Variants in ACSL5 observed in about 807,000 individuals in gnomAD.
ACSL5 encodes the protein long-chain-fatty-acid--CoA ligase 5.
Under a neutral mutation model 84.9 loss-of-function variants are expected in ACSL5, and 50 were observed. That is an observed-to-expected ratio of 0.59 (90% CI 0.47 to 0.75). The LOEUF (loss-of-function observed/expected upper bound fraction) is 0.75, where lower values mean the gene tolerates loss of function less well. Among genes scored for constraint, ACSL5 ranks in the 30% least tolerant of loss-of-function variants. The pLI is 0.00. For missense variants in ACSL5, 775 were observed against 830.4 expected (o/e 0.93, Z 0.82); for synonymous variants, 280 against 300.7 (o/e 0.93, Z 0.71).
Position 112,427,898 on chromosome 10 carries a change from A to G in ACSL5, c.*540A>G, listed in dbSNP as rs1844801366. 1 of 152,808 alleles carries G rather than the reference A, an allele frequency of 6.5e-6. No individual in the cohort carries two copies. Among genetic ancestry groups the G allele is most frequent in the African/African-American group, 2.4e-5 (1 of 41,484 alleles). 9.5% of individuals were successfully genotyped at this position (152,808 alleles called of 1,614,324 possible). A position where few individuals can be genotyped will look rare whatever the true frequency, so the allele number is the denominator to read the frequency against. On this transcript the variant is annotated 3_prime_UTR_variant, in exon 21 of 21. Transcript: ENST00000354655. ...TCATGTCAATCATATCTATGAGACA[A>G]ATGTCTCCGATGCTCTTCTGCGTAA...
intron 11 of ACSL5, among the ~76,000 whole-genome samples, chr10:112,412,840 TAC>T (rs1400349789): frequency 6.6e-6 from 1 of 152,192 alleles, no homozygotes; most frequent in Admixed American, 6.6e-5. Context: ...AATTGCGTCT[TAC>T]AAAGGATGAT....
intron 2 of ACSL5, chr10:112,396,276 T>C (rs1268336522): frequency 6.6e-6 from 1 of 152,210 alleles, no homozygotes; most frequent in Non-Finnish European, 1.5e-5. Context: ...CATAATAGGG[T>C]TTTATTCTCA....
In ACSL5 at chr10:112,427,294, G is replaced by A. The variant is rs372264757; in HGVS notation, c.1988G>A (p.Arg663Gln). 8.1e-6 allele frequency: 13 copies of A among 1,613,630 alleles called. No individual in the cohort carries two copies. The highest frequency in any genetic ancestry group is 1.3e-5 in the African/African-American group (1 of 74,876). The change falls in exon 21 of 21, where the codon CGA becomes CAA. Residue 663 changes from arginine (R) to glutamine (Q), a missense_variant. Transcript: ENST00000354655. ...TTGACACCAACATTGAAAGCAAAGC[G>A]AGGAGAGCTTTCCAAATACTTTCGG... ...GLLTPTLKAKRGELSKYFRTQ... is the reference protein window; with the variant it reads ...GLLTPTLKAKQGELSKYFRTQ...
chr10:112,422,048 T>C lies in ACSL5; in HGVS notation c.1476+13T>C. ...TAATGAAGGAGAGGTGGGTAGGTCA[T>C]GCCCTGTGGTCAGACAGTCATGGTG... On this transcript the variant is annotated intron_variant, in intron 16 of 20. Transcript: ENST00000354655. 2 of 1,613,390 alleles carry C rather than the reference T, an allele frequency of 1.2e-6. 1 individual carries two copies. The highest frequency in any genetic ancestry group is 2.2e-5 in the South Asian group (2 of 91,064).
intron 17 of ACSL5, among the ~76,000 whole-genome samples, chr10:112,422,807 G>A (rs1209919815): frequency 1.4e-5 from 2 of 147,566 alleles, no homozygotes; most frequent in African/African-American, 5.0e-5. Flanking sequence ...AGTGAGCCAA[G>A]ATTGTGCCAC....
Position 112,386,198 on chromosome 10 carries a change from T to C in ACSL5, c.-29-8720T>C, listed in dbSNP as rs1177997804. 2.9e-5 allele frequency among the ~76,000 whole-genome samples: 4 copies of C among 137,988 alleles called. No individual in the cohort carries two copies. In the East Asian group the frequency reaches 8.4e-4, roughly 29 times the overall value. The allele number at this position is 137,988 out of a possible 152,430, so 90.5% of individuals were successfully genotyped here. ...CTATAGCTCTTTTTTTTTTTTTTTT[T>C]TTTTTTTTTTTTTGAGGCAGAGTCT... On this transcript the variant is annotated intron_variant, in intron 1 of 20. Coordinates refer to ENST00000354655, the MANE Select transcript of ACSL5 (RefSeq NM_203379.2).
intron 17 of ACSL5, among the ~76,000 whole-genome samples, chr10:112,422,886 A>T (rs902175284): frequency 6.8e-6 from 1 of 146,932 alleles, no homozygotes; most frequent in African/African-American, 2.5e-5. Flanking sequence ...AATTGAAAGA[A>T]TCTAGGTTAA....
intron 2 of ACSL5, chr10:112,396,103 T>C (rs894470652): frequency 6.6e-6 from 1 of 152,250 alleles, no homozygotes; most frequent in Non-Finnish European, 1.5e-5. Context: ...GTGCTCTGAA[T>C]CACTCATAAC....
intron 2 of ACSL5, among the ~76,000 whole-genome samples, chr10:112,397,171 T>TC (rs1491081205): frequency 2.4e-5 from 1 of 41,286 alleles, no homozygotes; most frequent in East Asian, 1.0e-3. Flanking sequence ...CCCTTTTTCT[T>TC]TTTTTTTTTT....
intron 1 of ACSL5, chr10:112,376,222 A>C: frequency 6.5e-7 from 1 of 1,536,328 alleles, no homozygotes; most frequent in Non-Finnish European, 8.8e-7. Context: ...GAAGTCCCCG[A>C]GCACGTTAGA....
At chr10:112,418,395 C>T (rs1282403852) in intron 14 of ACSL5, among the ~76,000 whole-genome samples, 1 of 152,064 alleles carries the variant, frequency 6.6e-6, no homozygotes, top group Non-Finnish European at 1.5e-5. Context: ...TCCTGGCTAA[C>T]AAGGTGAAAC....
Position 112,400,411 on chromosome 10 carries a change from T to C in ACSL5, c.265+1402T>C, listed in dbSNP as rs866563610. ...TTTTTTCCTTTTTTTCTTTTCTTTT[T>C]TTTTTTTTTTTTTTTTGAGATGGAG... On this transcript the variant is annotated intron_variant, in intron 3 of 20. Coordinates refer to ENST00000354655, the MANE Select transcript of ACSL5 (RefSeq NM_203379.2). 9.1e-3 allele frequency among the ~76,000 whole-genome samples: 1,021 copies of C among 112,022 alleles called. 10 individuals carry two copies. The highest frequency in any genetic ancestry group is 0.031 in the African/African-American group (976 of 31,272). The allele number at this position is 112,022 out of a possible 152,430, so 73.5% of individuals were successfully genotyped here.
At chr10:112,387,936 CT>C (rs35032191) in intron 1 of ACSL5, among the ~76,000 whole-genome samples, 47 of 118,430 alleles carry the variant, frequency 4.0e-4, no homozygotes, top group Admixed American at 8.0e-4. Flanking sequence ...TTATTTGTTC[CT>C]TTTTTTTTTT....
At chr10:112,390,677 TAGA>T (rs1849541930) in intron 1 of ACSL5, among the ~76,000 whole-genome samples, 1 of 151,956 alleles carries the variant, frequency 6.6e-6, no homozygotes, top group Non-Finnish European at 1.5e-5. Flanking sequence ...GATAGATAGA[TAGA>T]TAGATAGATA....
rs543072774 is a variant in ACSL5 at position 112,396,911 on chromosome 10, G to A, written c.156+1809G>A. On this transcript the variant is annotated intron_variant, in intron 2 of 20. Coordinates refer to ENST00000354655, the MANE Select transcript of ACSL5 (RefSeq NM_203379.2). The stretch of plus-strand genomic sequence containing the variant: ...GTGATGGCCCATGTAAATTTTCCCT[G>A]ATGTCCTAGACTAAGTCAGATCTCT... Among the ~76,000 whole-genome samples, 10 of 152,288 alleles carry A rather than the reference G, an allele frequency of 6.6e-5. No homozygotes were observed. In the East Asian group the frequency reaches 1.9e-3, roughly 29 times the overall value.
rs549198967 is a variant in ACSL5, at chr10:112,388,431, C to T, written c.-29-6487C>T. Among the ~76,000 whole-genome samples the T allele has an allele frequency of 3.9e-5, 6 of 152,304 alleles. No individual in the cohort carries two copies. The South Asian group carries it at 1.0e-3, about 26-fold the overall frequency. On this transcript the variant is annotated intron_variant, in intron 1 of 20. Transcript: ENST00000354655. Reference sequence around the variant, plus strand: ...AAAGTATTGATTAGGGAGCAATCCTCTCCAGATTGGCCTGAATGACTTCTT... The same window carrying T: ...AAAGTATTGATTAGGGAGCAATCCTTTCCAGATTGGCCTGAATGACTTCTT...
chr10:112,411,627 TACACAC>T, intron 10 of ACSL5, 98 bp downstream of exon 10: 7 of 820,954 alleles, frequency 8.5e-6, no homozygotes, highest in Non-Finnish European at 1.4e-5. Flanking sequence ...CACACACACA[TACACAC>T]ACACACACAC....
intron 7 of ACSL5, chr10:112,410,221 C>T (rs1186804300): frequency 6.6e-7 from 1 of 1,506,722 alleles, no homozygotes; most frequent in Non-Finnish European, 8.9e-7. Context: ...CTTAAGAGTA[C>T]AATGGGAAGT....
At chr10:112,418,262 A>G (rs906138529) in intron 14 of ACSL5, among the ~76,000 whole-genome samples, 1 of 152,154 alleles carries the variant, frequency 6.6e-6, no homozygotes, top group African/African-American at 2.4e-5. Context: ...GCCTACCCCC[A>G]TGGCAGTCAA....
Sources: allele counts gnomAD v4.1 joint callset (sites outside exome capture counted in the v4.1 genomes callset), GRCh38; gene constraint gnomAD v4.1.1; transcripts MANE v1.5; gene names NCBI Gene and HGNC (gene_info 2026-07-23, HGNC 2026-07-21).